Variants in SPAG17 observed in about 807,000 individuals in gnomAD.
SPAG17 encodes sperm-associated antigen 17.
Under a neutral mutation model 273.6 loss-of-function variants are expected in SPAG17, and 169 were observed. The observed-to-expected ratio is 0.62, with a 90% CI of 0.55 to 0.70. The LOEUF (loss-of-function observed/expected upper bound fraction) is 0.70. Ranked by LOEUF, SPAG17 falls within the 30% of genes least tolerant of loss-of-function variation. The pLI, the probability that SPAG17 is intolerant of heterozygous loss-of-function variation, is 0.00. For synonymous variants in SPAG17, 825 were observed against 873.2 expected, an observed-to-expected ratio of 0.94 and a Z score of 0.97; for missense variants, 2,557 against 2,627.8, an observed-to-expected ratio of 0.97 and a Z score of 0.59.
At chr1:118,153,019 T>G (rs1270164689) in intron 1 of SPAG17, among the ~76,000 whole-genome samples, 1 of 152,226 alleles carries the variant, frequency 6.6e-6, no homozygotes, top group Non-Finnish European at 1.5e-5. Flanking sequence ...CTTATCCCGC[T>G]GTCCACTGCA....
chr1:118,053,344 T>C (rs985216634), intron 20 of SPAG17, among the ~76,000 whole-genome samples: 13 of 152,068 alleles, frequency 8.5e-5, no homozygotes, highest in South Asian at 6.2e-4. Flanking sequence ...AGTTGGCTCT[T>C]GCTTACCTAA....
intron 32 of SPAG17, among the ~76,000 whole-genome samples, chr1:118,002,266 G>A (rs1658373590): frequency 6.6e-6 from 1 of 152,206 alleles, no homozygotes; most frequent in African/African-American, 2.4e-5. Flanking sequence ...TGTAAAATAA[G>A]TGTGATGTGG....
At chr1:118,159,370 C>T (rs1659801207) in intron 1 of SPAG17, among the ~76,000 whole-genome samples, 1 of 152,158 alleles carries the variant, frequency 6.6e-6, no homozygotes, top group African/African-American at 2.4e-5. Flanking sequence ...AATTCTGCCT[C>T]TGTGGTTTCT....
chr1:118,164,034 C>T (rs1390636739), intron 1 of SPAG17, among the ~76,000 whole-genome samples: 4 of 152,156 alleles, frequency 2.6e-5, no homozygotes, highest in Admixed American at 2.0e-4. Context: ...GTCTTTATTC[C>T]TTTGGCTGTT....
intron 30 of SPAG17, among the ~76,000 whole-genome samples, chr1:118,010,371 A>G (rs1372275878): frequency 6.6e-6 from 1 of 152,202 alleles, no homozygotes; most frequent in African/African-American, 2.4e-5. Flanking sequence ...ACAGACACAT[A>G]GACCAATGGA....
intron 32 of SPAG17, among the ~76,000 whole-genome samples, chr1:118,001,062 C>T (rs575760439): frequency 3.9e-5 from 6 of 152,060 alleles, no homozygotes; most frequent in Middle Eastern, 3.4e-3. Flanking sequence ...AGGCCTTTTC[C>T]GCATCTATTG....
intron 48 of SPAG17, chr1:117,958,862 A>T: frequency 6.8e-7 from 1 of 1,466,840 alleles, no homozygotes; most frequent in Non-Finnish European, 9.4e-7. Flanking sequence ...AGGGTTAAGT[A>T]GGGCTAGAAC....
intron 1 of SPAG17, among the ~76,000 whole-genome samples, chr1:118,171,455 T>A (rs1452333535): frequency 6.6e-6 from 1 of 152,172 alleles, no homozygotes; most frequent in African/African-American, 2.4e-5. Context: ...TATGGAGTTA[T>A]AAACTCAAAT....
chr1:118,066,681 CTAAG>C, intron 18 of SPAG17, 60 bp downstream of exon 18: 1 of 1,425,472 alleles, frequency 7.0e-7, no homozygotes, highest in Non-Finnish European at 9.7e-7. Flanking sequence ...ACCTAAGTAA[CTAAG>C]TAACTGGCAA....
Position 118,012,305 on chromosome 1 carries a change from T to A in SPAG17, c.4355A>T (p.His1452Leu). 2 of 1,613,880 alleles carry A rather than the reference T, an allele frequency of 1.2e-6. No homozygotes were observed. Among genetic ancestry groups the A allele is most frequent in the East Asian group, 4.5e-5 (2 of 44,832 alleles). The change falls in exon 30 of 49, where the codon CAT becomes CTT. Residue 1452 changes from histidine (H) to leucine (L), a missense_variant. Coordinates refer to ENST00000336338, the MANE Select transcript of SPAG17 (RefSeq NM_206996.4). Reference sequence around the variant, plus strand: ...GGTTGTGATTCTGGTACCATCAGCATGATCCACTATCCGAGTACCATCTTT... The same window carrying A: ...GGTTGTGATTCTGGTACCATCAGCAAGATCCACTATCCGAGTACCATCTTT... Reference protein sequence around the residue: ...ERKDGTRIVDHADGTRITTFY... With the variant: ...ERKDGTRIVDLADGTRITTFY...
intron 13 of SPAG17, among the ~76,000 whole-genome samples, chr1:118,083,980 A>G (rs77805056): frequency 0.022 from 3,350 of 152,258 alleles, 65 homozygotes; most frequent in South Asian, 0.041. Context: ...CCAAGGGTCC[A>G]GGATGGGGCA....
intron 4 of SPAG17, among the ~76,000 whole-genome samples, chr1:118,106,040 G>A (rs1189248157): frequency 6.6e-6 from 1 of 152,126 alleles, no homozygotes. Context: ...TAACTCCCTA[G>A]TTAAGACTTG....
At position 118,025,384 on chromosome 1, in the gene SPAG17, C is replaced by T. The variant is rs1647622904; in HGVS notation, c.3763G>A (p.Asp1255Asn). The T allele has an allele frequency of 6.3e-7, 1 of 1,599,336 alleles. No homozygotes were observed. Among genetic ancestry groups the T allele is most frequent in the Non-Finnish European group, 8.5e-7 (1 of 1,174,738 alleles). The change falls in exon 27 of 49, where the codon GAC becomes AAC. Residue 1255 changes from aspartate to asparagine, a missense_variant. Coordinates refer to ENST00000336338, the MANE Select transcript of SPAG17 (RefSeq NM_206996.4). ...GGGTAGCTCTGACGGACCATGATGT[C>T]CCAGGTGGGTTCCTCATCTATAACA... ...QYVIDEEPTW[D>N]IMVRQSYPQR...
intron 48 of SPAG17, among the ~76,000 whole-genome samples, chr1:117,955,893 C>T (rs1652131351): frequency 1.3e-5 from 2 of 152,028 alleles, no homozygotes; most frequent in Admixed American, 1.3e-4. Context: ...TCTTTGTCAT[C>T]ATTATTGATT....
intron 23 of SPAG17, 144 bp from the exon 24 acceptor site, chr1:118,037,027 C>T: frequency 1.7e-6 from 1 of 604,004 alleles, no homozygotes; most frequent in Non-Finnish European, 2.9e-6. Flanking sequence ...TGACCATGCA[C>T]TCAGGGTTGT....
intron 3 of SPAG17, among the ~76,000 whole-genome samples, chr1:118,140,780 A>G (rs746318293): frequency 1.3e-5 from 2 of 152,214 alleles, no homozygotes; most frequent in Non-Finnish European, 2.9e-5. Context: ...ATATTTTTTA[A>G]AAGAACTTAA....
intron 3 of SPAG17, among the ~76,000 whole-genome samples, chr1:118,137,832 C>G (rs1286134642): frequency 2.0e-5 from 3 of 152,148 alleles, no homozygotes; most frequent in African/African-American, 7.2e-5. Context: ...AATAGTCAAT[C>G]CTCCCAGCCT....
intron 31 of SPAG17, among the ~76,000 whole-genome samples, chr1:118,006,900 G>C (rs1412427096): frequency 6.6e-6 from 1 of 152,130 alleles, no homozygotes; most frequent in East Asian, 1.9e-4. Context: ...TTTGCTATTT[G>C]CATATCTTTG....
chr1:117,960,038 A>C (rs1652823247), intron 48 of SPAG17: 1 of 152,102 alleles, frequency 6.6e-6, no homozygotes, highest in South Asian at 2.1e-4. Flanking sequence ...TTTCTGAATA[A>C]AATAGTTGTT....
Sources: gnomAD v4.1 joint callset for allele counts (sites outside exome capture counted in the v4.1 genomes callset) on GRCh38, gnomAD v4.1.1 for gene constraint, MANE v1.5 for transcripts, NCBI Gene and HGNC (gene_info 2026-07-23, HGNC 2026-07-21) for gene names.